Variants in CHD5 observed in about 807,000 individuals in gnomAD.
CHD5 encodes the protein ATP-dependent chromatin remodeler CHD5.
CHD5 carries 69 observed loss-of-function variants against 230.3 expected under a neutral mutation model. The ratio of observed to expected loss-of-function variants is 0.30; its 90% CI spans 0.25 to 0.37. The LOEUF is 0.37. Among genes scored for constraint, CHD5 ranks in the 10% least tolerant of loss-of-function variants. The pLI is 1.00. For missense variants in CHD5, 1,827 were observed against 2,622.8 expected (o/e 0.70, Z 6.63); for synonymous variants, 1,064 against 1,065.9 (o/e 1.00, Z 0.03).
chr1:6,112,769 C>A, intron 34 of CHD5, 140 bp downstream of exon 34: 1 of 628,606 alleles, frequency 1.6e-6, no homozygotes. Flanking sequence ...CTGGTGAATC[C>A]AGGCTCCCAC....
chr1:6,102,056 C>T lies in CHD5; in HGVS notation c.*3418G>A. On this transcript the variant is annotated 3_prime_UTR_variant, in exon 42 of 42. Coordinates refer to ENST00000262450, the MANE Select transcript of CHD5 (RefSeq NM_015557.3). ...GGCTGTGCCTGGGGAAAGGGGTCGG[C>T]CCCCTCTTAGCTGGGCCTGGGCCGG... 1 of 397,904 alleles carries T rather than the reference C, an allele frequency of 2.5e-6. No individual in the cohort carries two copies. Among genetic ancestry groups the T allele is most frequent in the Non-Finnish European group, 5.0e-6 (1 of 199,150 alleles). The allele number at this position is 397,904 out of a possible 1,614,324, so 24.6% of individuals were successfully genotyped here. A position where few individuals can be genotyped will look rare whatever the true frequency, so the allele number is the denominator to read the frequency against.
chr1:6,164,836 G>C (rs1394652938), intron 2 of CHD5, among the ~76,000 whole-genome samples: 1 of 152,184 alleles, frequency 6.6e-6, no homozygotes, highest in Admixed American at 6.5e-5. Context: ...CATCTCAGTA[G>C]AGAGAAGGAG....
At chr1:6,172,223 T>C (rs1453590594) in intron 1 of CHD5, among the ~76,000 whole-genome samples, 1 of 152,248 alleles carries the variant, frequency 6.6e-6, no homozygotes, top group Non-Finnish European at 1.5e-5. Flanking sequence ...GATAACTGCA[T>C]ACCACCTGCC....
Position 6,155,838 on chromosome 1 carries a change from T to A in CHD5, c.388-121A>T. On this transcript the variant is annotated intron_variant, in intron 3 of 41. Transcript: ENST00000262450. This position sits in a 1 kb window ranked among gnomAD's most constrained non-coding sequence, Gnocchi z 4.0. ...GAAAGAGGAGGGGTTGTGTCTGCAA[T>A]GTAACCAGACCATTCTCACCCACCC... The A allele has an allele frequency of 5.6e-6, 4 of 714,196 alleles. No homozygotes were observed. The highest frequency in any genetic ancestry group is 9.6e-6 in the Non-Finnish European group (4 of 416,062). 44.2% of individuals were successfully genotyped at this position (714,196 alleles called of 1,614,324 possible). A position where few individuals can be genotyped will look rare whatever the true frequency, so the allele number is the denominator to read the frequency against.
chr1:6,162,720 G>C (rs565989299), intron 2 of CHD5, among the ~76,000 whole-genome samples: 1 of 152,302 alleles, frequency 6.6e-6, no homozygotes, highest in Admixed American at 6.5e-5. Context: ...GATACAGCCA[G>C]GACGACAAGC....
rs191204694 is a variant in CHD5, at chr1:6,174,208, C to T, written c.79+5737G>A. Among the ~76,000 whole-genome samples, 25 of 151,396 alleles carry T rather than the reference C, an allele frequency of 1.7e-4. 1 individual carries two copies. Among genetic ancestry groups the T allele is most frequent in the Non-Finnish European group, 2.4e-4 (16 of 67,906 alleles). ...GGCAGGGGCATGACCTCAGGGGAGACGAAAACTGACAGATATGGGGACAGA... is the reference window on the plus strand; with the variant it reads ...GGCAGGGGCATGACCTCAGGGGAGATGAAAACTGACAGATATGGGGACAGA... On this transcript the variant is annotated intron_variant, in intron 1 of 41. Coordinates refer to ENST00000262450, the MANE Select transcript of CHD5 (RefSeq NM_015557.3).
At chr1:6,107,017 G>A (rs1249129364) in intron 38 of CHD5, among the ~76,000 whole-genome samples, 2 of 137,026 alleles carry the variant, frequency 1.5e-5, no homozygotes, top group Admixed American at 7.2e-5. Flanking sequence ...AGGGATGATG[G>A]AGGGATAATG....
chr1:6,160,443 C>T (rs930402556), intron 2 of CHD5, among the ~76,000 whole-genome samples: 4 of 143,820 alleles, frequency 2.8e-5, no homozygotes, highest in African/African-American at 1.1e-4. Flanking sequence ...AGAGCCCCAG[C>T]CAGGGAAGGG....
In CHD5 at chr1:6,134,347, G is replaced by T; in HGVS notation, c.3013-88C>A. 1 of 1,471,380 alleles carries T rather than the reference G, an allele frequency of 6.8e-7. No homozygotes were observed. The highest frequency in any genetic ancestry group is 9.3e-7 in the Non-Finnish European group (1 of 1,075,464). The allele number at this position is 1,471,380 out of a possible 1,614,324, so 91.1% of individuals were successfully genotyped here. ...AAGGGGCCGCAGGGAACAGACAAGT[G>T]CTGAGCAATGGGGTGATGGCCTGTC... On this transcript the variant is annotated intron_variant, in intron 19 of 41. Transcript: ENST00000262450. This position sits in a 1 kb window ranked among gnomAD's most constrained non-coding sequence, Gnocchi z 6.3.
Position 6,151,082 on chromosome 1 carries a change from C to A in CHD5, c.944G>T (p.Cys315Phe), listed in dbSNP as rs1268773844. 6.2e-7 allele frequency: 1 copy of A among 1,608,884 alleles called. No individual in the cohort carries two copies. The highest frequency in any genetic ancestry group is 1.7e-5 in the Admixed American group (1 of 59,644). The change falls in exon 7 of 42, where the codon TGC becomes TTC. Residue 315 changes from cysteine to phenylalanine, a missense_variant. This residue lies in a region of CHD5 where 657 missense variants were observed against 816.4 expected (regional missense o/e 0.80). Coordinates refer to ENST00000262450, the MANE Select transcript of CHD5 (RefSeq NM_015557.3). The part of the protein sequence containing the change: ...SIHSASVRSE[C>F]SAALGKKSKR... The stretch of plus-strand genomic sequence containing the variant: ...GCTCTTCTTGCCCAGGGCTGCAGAG[C>A]ATTCGGAGCGCACGGAGGCACTGTG...
At chr1:6,156,631 G>A (rs549523547) in intron 3 of CHD5, among the ~76,000 whole-genome samples, 232 of 152,262 alleles carry the variant, frequency 1.5e-3, no homozygotes, top group African/African-American at 5.2e-3. Flanking sequence ...CCAGTTTCCA[G>A]TGAAAGGAAA....
chr1:6,170,081 G>T (rs963464226), intron 1 of CHD5, among the ~76,000 whole-genome samples: 1 of 152,082 alleles, frequency 6.6e-6, no homozygotes, highest in Non-Finnish European at 1.5e-5. Flanking sequence ...CCCTTCCCCC[G>T]AGGAAGTTTT....
At position 6,125,077 on chromosome 1, in the gene CHD5, G is replaced by A. The variant is rs753561787; in HGVS notation, c.4394+23C>T. On this transcript the variant is annotated intron_variant, in intron 29 of 41. Transcript: ENST00000262450. The surrounding 1 kb of genome is among the most constrained non-coding windows in gnomAD (Gnocchi z 6.7). ...ACTCAGGGGCAGGTGGTCACACCCT[G>A]GGCCACCACCTAGCCCCTTTACCTA... The A allele has an allele frequency of 4.5e-6, 7 of 1,549,088 alleles. No homozygotes were observed. In the East Asian group the frequency reaches 1.7e-4, roughly 37 times the overall value.
Position 6,159,392 on chromosome 1 carries a change from C to A in CHD5, c.331G>T (p.Ala111Ser), listed in dbSNP as rs774590928. ...TCCTCATCCTTCTTTTTTCGCTTGG[C>A]TTTTTTCTCCTTCTTGTCCTTGAGT... ...KKLKDKKEKK[A>S]KRKKKDEDED... is the part of the protein sequence containing the mutation. The change falls in exon 3 of 42, where the codon GCC (alanine) becomes TCC (serine). Residue 111 changes from alanine to serine, a missense_variant. Transcript: ENST00000262450. 6 of 1,553,260 alleles carry A rather than the reference C, an allele frequency of 3.9e-6. No homozygotes were observed. The South Asian group carries it at 5.9e-5, about 15-fold the overall frequency.
chr1:6,130,393 TGG>T lies in CHD5; in HGVS notation c.3263-67_3263-66del. ...GTACACCTTGGGTGGGCAGAAAGGA[TGG>T]GGGAGAGAACAGAGAGAAGGAACTG... On this transcript the variant is annotated intron_variant, in intron 21 of 41. Transcript: ENST00000262450. The surrounding 1 kb of genome is among the most constrained non-coding windows in gnomAD (Gnocchi z 4.9). The T allele has an allele frequency of 6.9e-7, 1 of 1,450,152 alleles. No homozygotes were observed. Among genetic ancestry groups the T allele is most frequent in the Non-Finnish European group, 9.5e-7 (1 of 1,051,078 alleles). The allele number at this position is 1,450,152 out of a possible 1,614,324, so 89.8% of individuals were successfully genotyped here.
Position 6,155,380 on chromosome 1 carries a change from A to T in CHD5, c.506+219T>A, listed in dbSNP as rs1378327555. Among the ~76,000 whole-genome samples, 2 of 151,464 alleles carry T rather than the reference A, an allele frequency of 1.3e-5. No individual in the cohort carries two copies. Among genetic ancestry groups the T allele is most frequent in the African/African-American group, 2.4e-5 (1 of 41,212 alleles). ...GAACCACCTTCCCCAAGGGGAAGAG[A>T]CTCAAGGGCTGAGGGGCAGGGCCCA... On this transcript the variant is annotated intron_variant, in intron 4 of 41. Transcript: ENST00000262450. The surrounding 1 kb of genome is among the most constrained non-coding windows in gnomAD (Gnocchi z 4.0).
Position 6,106,516 on chromosome 1 carries a change from G to A in CHD5, c.5743-7C>T. 1 of 1,551,240 alleles carries A rather than the reference G, an allele frequency of 6.4e-7. No individual in the cohort carries two copies. Among genetic ancestry groups the A allele is most frequent in the African/African-American group, 1.4e-5 (1 of 73,210 alleles). On this transcript the variant is annotated splice_polypyrimidine_tract_variant and splice_region_variant and intron_variant, in intron 39 of 41. Transcript: ENST00000262450. ...GGGAGGAGCCGAAAGCGCCCTGGAG[G>A]CAAGGACTCAGCTTCACAGGTGGTC...
Position 6,167,999 on chromosome 1 carries a change from G to T in CHD5, c.207+151C>A. On this transcript the variant is annotated intron_variant, in intron 2 of 41. Transcript: ENST00000262450. The surrounding 1 kb of genome is among the most constrained non-coding windows in gnomAD (Gnocchi z 4.5). ...GGCTTCCGTGCACAACGCTTCATAC[G>T]AGAAACTGGTTATGGTGTTTTTCAT... The T allele has an allele frequency of 1.1e-6, 1 of 947,944 alleles. No homozygotes were observed. The highest frequency in any genetic ancestry group is 1.5e-6 in the Non-Finnish European group (1 of 651,632). 58.7% of individuals were successfully genotyped at this position (947,944 alleles called of 1,614,324 possible). A position where few individuals can be genotyped will look rare whatever the true frequency, so the allele number is the denominator to read the frequency against.
rs951877354 is a variant in CHD5, at chr1:6,154,796, G to A, written c.609C>T (p.Gly203=). The change falls in exon 5 of 42, where the codon GGC becomes GGT. Residue 203 remains glycine (G), a synonymous_variant. Coordinates refer to ENST00000262450, the MANE Select transcript of CHD5 (RefSeq NM_015557.3). This position sits in a 1 kb window ranked among gnomAD's most constrained non-coding sequence, Gnocchi z 7.0. Reference sequence around the variant, plus strand: ...CCGCCGCCGCTGCTGCCGCGGAGCTGCCCTTGAAGGGGTTGTTGGCGCTGA... The same window carrying A: ...CCGCCGCCGCTGCTGCCGCGGAGCTACCCTTGAAGGGGTTGTTGGCGCTGA... ...REFSANNPFK[G]SSAAAAAAAV... The A allele has an allele frequency of 3.7e-6, 6 of 1,613,768 alleles. No individual in the cohort carries two copies. The highest frequency in any genetic ancestry group is 2.7e-5 in the African/African-American group (2 of 75,036).
Sources: gnomAD v4.1 joint callset for allele counts (sites outside exome capture counted in the v4.1 genomes callset) on GRCh38, gnomAD v4.1.1 for gene constraint, gnomAD v4.1.1 regional missense constraint, Gnocchi (gnomAD v3.1) non-coding constraint, MANE v1.5 for transcripts, NCBI Gene and HGNC (gene_info 2026-07-23, HGNC 2026-07-21) for gene names.